Variants in SLC44A1 observed in about 807,000 individuals in gnomAD.
SLC44A1 encodes solute carrier family 44 member 1, also known as choline transporter-like protein 1.
Under a neutral mutation model 79.3 loss-of-function variants are expected in SLC44A1, and 26 were observed. That is an observed-to-expected ratio of 0.33 (90% CI 0.24 to 0.46). The LOEUF is 0.46. Ranked by LOEUF, SLC44A1 falls within the 20% of genes least tolerant of loss-of-function variation. SLC44A1 has a pLI of 1.00. For synonymous variants in SLC44A1, 263 were observed against 286.2 expected, an observed-to-expected ratio of 0.92 and a Z score of 0.82; for missense variants, 688 against 798.1, an observed-to-expected ratio of 0.86 and a Z score of 1.66.
chr9:105,408,567 A>G (rs1393373160), intron 15 of SLC44A1, among the ~76,000 whole-genome samples: 1 of 152,068 alleles, frequency 6.6e-6, no homozygotes, highest in African/African-American at 2.4e-5. Context: ...ATGCCACCAC[A>G]TCTGGCTAAT....
At chr9:105,312,082 T>C (rs1012295862) in intron 3 of SLC44A1, among the ~76,000 whole-genome samples, 4 of 152,228 alleles carry the variant, frequency 2.6e-5, no homozygotes, top group Non-Finnish European at 5.9e-5. Flanking sequence ...TGTTCCTTAC[T>C]GTCAGCCGCT....
At chr9:105,351,060 A>G (rs1469859425) in intron 5 of SLC44A1, among the ~76,000 whole-genome samples, 5 of 152,220 alleles carry the variant, frequency 3.3e-5, no homozygotes, top group African/African-American at 1.2e-4. Context: ...CATGGTGGCA[A>G]TATGGGGAAT....
rs1438670208 is a variant in SLC44A1, at chr9:105,429,520, C to G, written c.1951-8761C>G. Among the ~76,000 whole-genome samples, 3 of 152,150 alleles carry G rather than the reference C, an allele frequency of 2.0e-5. No individual in the cohort carries two copies. In the East Asian group the frequency reaches 5.8e-4, roughly 29 times the overall value. Reference sequence around the variant, plus strand: ...GTTTTGCCATGTTGTGCAGGCTGCTCTCAAACTCCTGGGCTCAAGCTATCC... The same window carrying G: ...GTTTTGCCATGTTGTGCAGGCTGCTGTCAAACTCCTGGGCTCAAGCTATCC... On this transcript the variant is annotated intron_variant, in intron 15 of 15. Coordinates refer to the SLC44A1 transcript ENST00000374724.
At chr9:105,302,224 A>G (rs1406925412) in intron 2 of SLC44A1, among the ~76,000 whole-genome samples, 1 of 152,202 alleles carries the variant, frequency 6.6e-6, no homozygotes, top group Non-Finnish European at 1.5e-5. Flanking sequence ...ACTCTGCTCC[A>G]AAGAATTACT....
Position 105,260,101 on chromosome 9 carries a change from T to C in SLC44A1, c.36+15197T>C, listed in dbSNP as rs1226544679. Among the ~76,000 whole-genome samples, 5 of 152,342 alleles carry C rather than the reference T, an allele frequency of 3.3e-5. No individual in the cohort carries two copies. The East Asian group carries it at 7.7e-4, about 24-fold the overall frequency. ...TCTTAATCAGGATTTCTCCCAAGTA[T>C]GTGCTTCCAAAGCACCAGGGCTACA... On this transcript the variant is annotated intron_variant, in intron 1 of 15. Coordinates refer to ENST00000374720, the MANE Select transcript of SLC44A1 (RefSeq NM_080546.5).
chr9:105,248,674 G>C (rs896695513), intron 1 of SLC44A1, among the ~76,000 whole-genome samples: 2 of 152,190 alleles, frequency 1.3e-5, no homozygotes, highest in African/African-American at 4.8e-5. Flanking sequence ...GAACGTAAAA[G>C]TAAGATAGTC....
In SLC44A1 at chr9:105,396,508, G is replaced by A. The variant is rs1488990247; in HGVS notation, c.*7452G>A. ...AGAATAGAGCTCCTAGAATAATAAG[G>A]CGGCCAAATTTAAAGATCAGTCAAT... On this transcript the variant is annotated 3_prime_UTR_variant, in exon 16 of 16. Transcript: ENST00000374720. The A allele has an allele frequency of 2.0e-5, 20 of 985,232 alleles. No homozygotes were observed. Among genetic ancestry groups the A allele is most frequent in the African/African-American group, 3.5e-5 (2 of 57,208 alleles). The allele number at this position is 985,232 out of a possible 1,614,324, so 61.0% of individuals were successfully genotyped here. A position where few individuals can be genotyped will look rare whatever the true frequency, so the allele number is the denominator to read the frequency against.
At chr9:105,387,835 A>T (rs537639014) in intron 15 of SLC44A1, among the ~76,000 whole-genome samples, 67 of 152,242 alleles carry the variant, frequency 4.4e-4, no homozygotes, top group Middle Eastern at 6.8e-3. Flanking sequence ...CTAAACTCCT[A>T]ATTTATAGGT....
chr9:105,280,922 A>C (rs972435861), intron 1 of SLC44A1, among the ~76,000 whole-genome samples: 18 of 152,328 alleles, frequency 1.2e-4, no homozygotes, highest in African/African-American at 4.1e-4. Context: ...GTGTGAGTCA[A>C]TGTGAGATCA....
At chr9:105,331,608 A>G (rs571960593) in intron 3 of SLC44A1, among the ~76,000 whole-genome samples, 11 of 152,346 alleles carry the variant, frequency 7.2e-5, no homozygotes, top group African/African-American at 2.6e-4. Flanking sequence ...GTTTGATACA[A>G]GCACTTGGCC....
chr9:105,431,222 TTATATG>T (rs1400601113), intron 15 of SLC44A1, among the ~76,000 whole-genome samples: 6 of 152,198 alleles, frequency 3.9e-5, no homozygotes, highest in African/African-American at 1.4e-4. Context: ...AATTAATTTT[TTATATG>T]TCATATATGG....
intron 3 of SLC44A1, among the ~76,000 whole-genome samples, chr9:105,329,743 C>T (rs1307030649): frequency 6.6e-6 from 1 of 152,162 alleles, no homozygotes; most frequent in Non-Finnish European, 1.5e-5. Flanking sequence ...AGATTATTTG[C>T]AGTTCCTTAA....
rs1394876465 is a variant in SLC44A1, at chr9:105,244,745, C to T, written c.-124C>T. On this transcript the variant is annotated 5_prime_UTR_variant, in exon 1 of 16. Coordinates refer to ENST00000374720, the MANE Select transcript of SLC44A1 (RefSeq NM_080546.5). ...GAGTACCAGCCGCCGCTGCAGCCGCCGCCGCCGCCTAGCCGTGCGGTGCCA... is the reference window on the plus strand; with the variant it reads ...GAGTACCAGCCGCCGCTGCAGCCGCTGCCGCCGCCTAGCCGTGCGGTGCCA... The T allele has an allele frequency of 4.5e-6, 2 of 441,254 alleles. No homozygotes were observed. The highest frequency in any genetic ancestry group is 2.1e-5 in the African/African-American group (1 of 47,442). The allele number at this position is 441,254 out of a possible 1,614,324, so 27.3% of individuals were successfully genotyped here. A position where few individuals can be genotyped will look rare whatever the true frequency, so the allele number is the denominator to read the frequency against.
chr9:105,411,323 T>G (rs1476518679), intron 15 of SLC44A1, among the ~76,000 whole-genome samples: 3 of 151,920 alleles, frequency 2.0e-5, no homozygotes. Flanking sequence ...TTCTCCTCAT[T>G]TCCACTCCTC....
At chr9:105,400,680 T>C (rs1259900936), downstream of SLC44A1, among the ~76,000 whole-genome samples, 1 of 152,144 alleles carries the variant, frequency 6.6e-6, no homozygotes, top group Non-Finnish European at 1.5e-5. Context: ...TTTATTAAAA[T>C]GGATTAAAAA....
At chr9:105,256,300 C>T (rs1829704861) in intron 1 of SLC44A1, among the ~76,000 whole-genome samples, 1 of 152,166 alleles carries the variant, frequency 6.6e-6, no homozygotes, top group Admixed American at 6.6e-5. Context: ...GCATGAGCCA[C>T]CACACCCAGC....
intron 1 of SLC44A1, 76 bp downstream of exon 1, chr9:105,244,980 C>A: frequency 3.0e-6 from 2 of 662,864 alleles, no homozygotes; most frequent in Non-Finnish European, 4.1e-6. Flanking sequence ...CGCCCGCCGC[C>A]CGATACCTCT....
At position 105,361,332 on chromosome 9, in the gene SLC44A1, T is replaced by G. The variant is rs1385156021; in HGVS notation, c.900+2T>G. On this transcript the variant is annotated splice_donor_variant, in intron 8 of 15. Coordinates refer to ENST00000374720, the MANE Select transcript of SLC44A1 (RefSeq NM_080546.5). LOFTEE classifies it high-confidence loss of function. Reference sequence around the variant, plus strand: ...GCCATTTCAGCTACAGTGTTCACAGTGAGTTTAGGCTTTGGCGTGTCTTTC... The same window carrying G: ...GCCATTTCAGCTACAGTGTTCACAGGGAGTTTAGGCTTTGGCGTGTCTTTC... 6.2e-7 allele frequency: 1 copy of G among 1,600,916 alleles called. No homozygotes were observed. The highest frequency in any genetic ancestry group is 1.7e-5 in the Admixed American group (1 of 57,330).
chr9:105,324,070 A>T (rs558247744), intron 3 of SLC44A1, among the ~76,000 whole-genome samples: 141 of 151,570 alleles, frequency 9.3e-4, no homozygotes, highest in African/African-American at 3.3e-3. Context: ...GGTGCGATCT[A>T]GGCTCACTGC....
Sources: gnomAD v4.1 joint callset for allele counts (sites outside exome capture counted in the v4.1 genomes callset) on GRCh38, gnomAD v4.1.1 for gene constraint, MANE v1.5 for transcripts, NCBI Gene and HGNC (gene_info 2026-07-23, HGNC 2026-07-21) for gene names.